Variants in TLR6 observed in about 807,000 individuals in gnomAD.
TLR6 encodes toll-like receptor 6.
A neutral mutation model predicts 16.1 loss-of-function variants in TLR6; 9 were observed. The observed-to-expected ratio is 0.56, with a 90% CI of 0.34 to 0.98. The LOEUF (loss-of-function observed/expected upper bound fraction) is 0.98, where lower values mean the gene tolerates loss of function less well. Among genes scored for constraint, TLR6 ranks in the 50% least tolerant of loss-of-function variants. The pLI is 0.02. For synonymous variants in TLR6, 340 were observed against 338.6 expected, an observed-to-expected ratio of 1.00 and a Z score of -0.04; for missense variants, 786 against 921.0, an observed-to-expected ratio of 0.85 and a Z score of 1.90.
At chr4:38,846,958 A>C (rs1712555579) in intron 1 of TLR6, among the ~76,000 whole-genome samples, 1 of 152,194 alleles carries the variant, frequency 6.6e-6, no homozygotes, top group South Asian at 2.1e-4. Context: ...GAAGGGATAG[A>C]GCTCAGAATA....
chr4:38,837,527 ATAAGAATGAAACTAGACCCCTG>A (rs1711992280), intron 1 of TLR6, among the ~76,000 whole-genome samples: 1 of 152,328 alleles, frequency 6.6e-6, no homozygotes, highest in South Asian at 2.1e-4. Context: ...ACTCATATGT[ATAAGAATGAAACTAGACCCCTG>A]TAAGAATGAA....
At chr4:38,857,002 C>T (rs1255975186), upstream of TLR6, among the ~76,000 whole-genome samples, 1 of 152,102 alleles carries the variant, frequency 6.6e-6, no homozygotes, top group Admixed American at 6.5e-5. Flanking sequence ...TTTTCTAATT[C>T]GTGTGAGGAA....
At chr4:38,838,005 A>G (rs1331427798) in intron 1 of TLR6, among the ~76,000 whole-genome samples, 1 of 152,206 alleles carries the variant, frequency 6.6e-6, no homozygotes, top group Non-Finnish European at 1.5e-5. Flanking sequence ...AATGCTCACC[A>G]TGAATCATCA....
chr4:38,851,333 C>A (rs1178868570), intron 1 of TLR6, among the ~76,000 whole-genome samples: 2 of 152,146 alleles, frequency 1.3e-5, no homozygotes, highest in South Asian at 4.1e-4. Context: ...GACAGAGATG[C>A]CCCCTCTCAC....
chr4:38,847,592 G>T (rs898034627), intron 1 of TLR6, among the ~76,000 whole-genome samples: 13 of 152,182 alleles, frequency 8.5e-5, no homozygotes. Flanking sequence ...CCCTAATACC[G>T]TGCTTTTCCA....
exon 2 of TLR6, chr4:38,826,396 A>G (rs953359096): frequency 6.6e-6 from 1 of 152,222 alleles, no homozygotes; most frequent in African/African-American, 2.4e-5. Flanking sequence ...TAAGACAACC[A>G]GAAAAGTCCC....
Position 38,836,190 on chromosome 4 carries a change from T to A in TLR6, c.-64-6653A>T, listed in dbSNP as rs906217628. The stretch of plus-strand genomic sequence containing the variant: ...AGAAAAGATCAATAAAACAAAAAAA[T>A]TATTTTTTGAAAAGATAAACAAAAC... On this transcript the variant is annotated intron_variant, in intron 1 of 1. Coordinates refer to ENST00000436693, the Ensembl canonical transcript of TLR6. Among the ~76,000 whole-genome samples, 5 of 151,868 alleles carry A rather than the reference T, an allele frequency of 3.3e-5. No homozygotes were observed. The East Asian group carries it at 5.8e-4, about 18-fold the overall frequency.
rs546626929 is a variant in TLR6, at chr4:38,851,848, A to G, written c.-65+4913T>C. 1.9e-3 allele frequency among the ~76,000 whole-genome samples: 283 copies of G among 152,284 alleles called. 11 individuals carry two copies. The South Asian group carries it at 0.056, about 30-fold the overall frequency. On this transcript the variant is annotated intron_variant, in intron 1 of 1. Coordinates refer to ENST00000436693, the Ensembl canonical transcript of TLR6. ...CAATGCCATCCCCATCAAGCTACCA[A>G]TGACTTTCTTCACAGAACTGGAAAA...
chr4:38,835,954 T>A (rs1410801838), intron 1 of TLR6, among the ~76,000 whole-genome samples: 1 of 152,000 alleles, frequency 6.6e-6, no homozygotes, highest in Non-Finnish European at 1.5e-5. Context: ...CACCAAAGCC[T>A]AGGAGACACA....
At chr4:38,831,714 A>T (rs956260469) in intron 1 of TLR6, among the ~76,000 whole-genome samples, 1 of 152,224 alleles carries the variant, frequency 6.6e-6, no homozygotes, top group Non-Finnish European at 1.5e-5. Context: ...CTAAACAGAC[A>T]CCTCACCAAA....
the TLR6 span, among the ~76,000 whole-genome samples, chr4:38,866,648 A>G: frequency 6.6e-6 from 1 of 152,076 alleles, no homozygotes; most frequent in African/African-American, 2.4e-5. Context: ...TTTGGTTGAT[A>G]TGTATTGACC....
intron 1 of TLR6, among the ~76,000 whole-genome samples, chr4:38,848,970 A>C (rs996572207): frequency 6.6e-6 from 1 of 152,204 alleles, no homozygotes; most frequent in Non-Finnish European, 1.5e-5. Flanking sequence ...TCCAAGACAC[A>C]TAATTGTCAG....
In TLR6 at chr4:38,848,737, T is replaced by G. The variant is rs1034743136; in HGVS notation, c.-65+8024A>C. Among the ~76,000 whole-genome samples the G allele has an allele frequency of 2.6e-5, 4 of 151,432 alleles. No homozygotes were observed. In the East Asian group the frequency reaches 7.7e-4, roughly 29 times the overall value. On this transcript the variant is annotated intron_variant, in intron 1 of 1. Transcript: ENST00000436693. The stretch of plus-strand genomic sequence containing the variant: ...GAAGAGAAGTTTAGAGGAAAAAGAG[T>G]AAAAAGAAACAAACAAAGCCTCCAA...
intron 1 of TLR6, among the ~76,000 whole-genome samples, chr4:38,852,807 G>T (rs1378478875): frequency 6.6e-6 from 1 of 152,184 alleles, no homozygotes; most frequent in Non-Finnish European, 1.5e-5. Context: ...TTCAACCATT[G>T]TGGAAGACAG....
intron 1 of TLR6, among the ~76,000 whole-genome samples, chr4:38,838,926 AGGGAAGGAAGGAAGGAAGGG>A (rs1353022769): frequency 0.02 from 2,076 of 103,238 alleles, 53 homozygotes; most frequent in African/African-American, 0.081. Flanking sequence ...GGAGGGAGGG[AGGGAAGGAAGGAAGGAAGGG>A]AGGAAGGAAG....
At chr4:38,861,891 A>G in the TLR6 span, among the ~76,000 whole-genome samples, 1 of 152,128 alleles carries the variant, frequency 6.6e-6, no homozygotes, top group African/African-American at 2.4e-5. Context: ...CTTCAAAACT[A>G]TCTGCTTGCT....
At chr4:38,838,122 G>T (rs555057020) in intron 1 of TLR6, among the ~76,000 whole-genome samples, 6 of 152,170 alleles carry the variant, frequency 3.9e-5, no homozygotes, top group Admixed American at 3.9e-4. Context: ...GCAGAGAAAA[G>T]GGAACTCTTA....
chr4:38,831,556 C>A (rs886352001), intron 1 of TLR6, among the ~76,000 whole-genome samples: 2 of 152,092 alleles, frequency 1.3e-5, no homozygotes, highest in African/African-American at 4.8e-5. Flanking sequence ...AAAGACACTG[C>A]AAGAGAGTGA....
At position 38,848,093 on chromosome 4, in the gene TLR6, G is replaced by A. The variant is rs1712610343; in HGVS notation, c.-65+8668C>T. On this transcript the variant is annotated intron_variant, in intron 1 of 1. Coordinates refer to ENST00000436693, the Ensembl canonical transcript of TLR6. ...ACCCCTCTGAGACAAAGCTTCCAGA[G>A]GAACGATCAGGCAGCAACATTTGCT... 2.0e-5 allele frequency among the ~76,000 whole-genome samples: 3 copies of A among 151,624 alleles called. No homozygotes were observed. The South Asian group carries it at 6.2e-4, about 31-fold the overall frequency.
Sources: allele counts gnomAD v4.1 joint callset (sites outside exome capture counted in the v4.1 genomes callset), GRCh38; gene constraint gnomAD v4.1.1; transcripts MANE v1.5; gene names NCBI Gene and HGNC (gene_info 2026-07-23, HGNC 2026-07-21).